CHCT1: variants seen among roughly 807,000 people sequenced by gnomAD.
CHCT1 encodes the protein CHD1 helical C-terminal domain containing protein 1.
chr17:60,431,415 A>C, the CHCT1 span: 3 of 603,336 alleles, frequency 5.0e-6, no homozygotes, highest in Non-Finnish European at 8.8e-6. Flanking sequence ...TTCTTATGAC[A>C]GTTCTACCTT....
the CHCT1 span, chr17:60,429,596 G>C: frequency 1.9e-6 from 3 of 1,590,298 alleles, no homozygotes; most frequent in Non-Finnish European, 2.6e-6. Flanking sequence ...CCTGGACCCA[G>C]GAGTTTGTGA....
At chr17:60,424,071 G>T in the CHCT1 span, among the ~76,000 whole-genome samples, 1 of 152,142 alleles carries the variant, frequency 6.6e-6, no homozygotes, top group African/African-American at 2.4e-5. Context: ...AGAGGAGGGC[G>T]TGTCAGGCTC....
chr17:60,421,723 C>G, the CHCT1 span: 3 of 795,912 alleles, frequency 3.8e-6, no homozygotes, highest in Non-Finnish European at 4.6e-6. Context: ...CCGGCCAACT[C>G]AGACTACACC....
the CHCT1 span, chr17:60,422,044 T>G: frequency 1.3e-6 from 1 of 752,126 alleles, no homozygotes. Flanking sequence ...CACGGAGGGC[T>G]TATTATTAAC....
chr17:60,423,803 AG>A, the CHCT1 span, among the ~76,000 whole-genome samples: 3 of 152,216 alleles, frequency 2.0e-5, no homozygotes, highest in African/African-American at 7.2e-5. Flanking sequence ...TTGTGGTCAA[AG>A]GTTCTTTCTC....
the CHCT1 span, chr17:60,422,535 A>G: frequency 1.9e-6 from 3 of 1,547,118 alleles, no homozygotes; most frequent in Admixed American, 2.0e-5. Flanking sequence ...GCAGTGGGTC[A>G]GAAGCCAGAG....
the CHCT1 span, among the ~76,000 whole-genome samples, chr17:60,423,711 C>G: frequency 6.6e-6 from 1 of 152,228 alleles, no homozygotes; most frequent in Non-Finnish European, 1.5e-5. Flanking sequence ...AGCAATCCAC[C>G]CACTTCAGCC....
At chr17:60,422,628 C>G in the CHCT1 span, 7 of 1,526,416 alleles carry the variant, frequency 4.6e-6, no homozygotes, top group Admixed American at 1.4e-4. Context: ...GTGAAGGGGA[C>G]AAGCCACTAG....
chr17:60,429,444 G>A, the CHCT1 span: 2 of 1,614,102 alleles, frequency 1.2e-6, no homozygotes, highest in African/African-American at 1.3e-5. Context: ...TGCCATGCAT[G>A]GGGGCTGCAC....
the CHCT1 span, chr17:60,431,208 C>G: frequency 6.2e-7 from 1 of 1,604,498 alleles, no homozygotes; most frequent in South Asian, 1.1e-5. Context: ...TCTCAAAAAC[C>G]AAAACTCAAG....
At chr17:60,429,437 C>T in the CHCT1 span, 74 of 1,614,146 alleles carry the variant, frequency 4.6e-5, no homozygotes, top group Non-Finnish European at 5.8e-5. Context: ...CAAGCTCTGC[C>T]ATGCATGGGG....
the CHCT1 span, chr17:60,422,772 A>G: frequency 1.0e-6 from 1 of 977,694 alleles, no homozygotes; most frequent in Non-Finnish European, 1.5e-6. Context: ...AAGAGGCCTA[A>G]AGCACAAGAA....
chr17:60,431,058 G>A, the CHCT1 span: 2 of 650,232 alleles, frequency 3.1e-6, no homozygotes, highest in Non-Finnish European at 5.3e-6. Context: ...GATATAGGTG[G>A]GAAGTAAGAT....
At chr17:60,427,049 C>T in the CHCT1 span, among the ~76,000 whole-genome samples, 12 of 152,284 alleles carry the variant, frequency 7.9e-5, no homozygotes, top group South Asian at 6.2e-4. Context: ...CGGGCAAGCC[C>T]GGGAAAGTTC....
chr17:60,421,773 C>A, the CHCT1 span: 1 of 905,564 alleles, frequency 1.1e-6, no homozygotes. Context: ...GGCCTCGGGT[C>A]CCTGGAGGGC....
At chr17:60,421,603 G>T in the CHCT1 span, 8 of 982,838 alleles carry the variant, frequency 8.1e-6, no homozygotes, top group Non-Finnish European at 9.7e-6. Context: ...CGGGGGCAAC[G>T]GTCTCTCGTC....
the CHCT1 span, chr17:60,421,814 C>T: frequency 1.0e-6 from 1 of 976,254 alleles, no homozygotes; most frequent in Non-Finnish European, 1.2e-6. Flanking sequence ...GGTGGCGGGA[C>T]TTTCGCCGAC....
the CHCT1 span, chr17:60,422,397 C>A: frequency 7.2e-7 from 1 of 1,390,404 alleles, no homozygotes; most frequent in African/African-American, 1.4e-5. Context: ...GGGCCAGCTG[C>A]AGCCACCCCT....
the CHCT1 span, chr17:60,422,781 A>C: frequency 2.2e-6 from 2 of 921,282 alleles, no homozygotes; most frequent in Middle Eastern, 2.3e-4. Context: ...AAAGCACAAG[A>C]ACTTTCATTC....
Sources: gnomAD v4.1 joint callset for allele counts (sites outside exome capture counted in the v4.1 genomes callset) on GRCh38, gnomAD v4.1.1 for gene constraint, MANE v1.5 for transcripts, NCBI Gene and HGNC (gene_info 2026-07-23, HGNC 2026-07-21) for gene names.